The following RFX3 variants were observed in gnomAD, a reference collection of about 807,000 sequenced individuals.
RFX3 encodes the protein transcription factor RFX3.
A neutral mutation model predicts 98.6 loss-of-function variants in RFX3; 14 were observed. The ratio of observed to expected loss-of-function variants is 0.14; its 90% CI spans 0.09 to 0.22. The LOEUF is 0.22. RFX3 is among the 10% of genes least tolerant of loss of function. The pLI is 1.00. For missense variants in RFX3, 639 were observed against 926.9 expected (o/e 0.69, Z 4.03); for synonymous variants, 383 against 328.4 (o/e 1.17, Z -1.80).
intron 1 of RFX3, among the ~76,000 whole-genome samples, chr9:3,501,527 T>C (rs537809681): frequency 5.9e-4 from 89 of 151,136 alleles, no homozygotes; most frequent in African/African-American, 2.0e-3. Context: ...GATGTTGATA[T>C]ACAAAAAGAT....
intron 1 of RFX3, among the ~76,000 whole-genome samples, chr9:3,406,718 A>G (rs1237045941): frequency 1.3e-5 from 2 of 152,216 alleles, no homozygotes; most frequent in African/African-American, 2.4e-5. Context: ...TTAAAATTCT[A>G]CATAAATATA....
At chr9:3,239,875 A>G (rs1056318387) in intron 15 of RFX3, among the ~76,000 whole-genome samples, 1 of 152,200 alleles carries the variant, frequency 6.6e-6, no homozygotes, top group Non-Finnish European at 1.5e-5. Flanking sequence ...CTGAGACCCT[A>G]GAATTCCCTG....
intron 2 of RFX3, among the ~76,000 whole-genome samples, chr9:3,392,191 T>G (rs1840386527): frequency 6.6e-6 from 1 of 152,108 alleles, no homozygotes; most frequent in South Asian, 2.1e-4. Context: ...ATCCACATTT[T>G]AAAATATGGA....
chr9:3,502,484 A>C (rs1397657317), intron 1 of RFX3, among the ~76,000 whole-genome samples: 2 of 152,184 alleles, frequency 1.3e-5, no homozygotes, highest in Non-Finnish European at 2.9e-5. Flanking sequence ...GTGAAAGAAA[A>C]ATACACAGAA....
chr9:3,444,266 T>C (rs182189509), intron 1 of RFX3, among the ~76,000 whole-genome samples: 8 of 152,274 alleles, frequency 5.3e-5, no homozygotes, highest in Admixed American at 2.0e-4. Context: ...GGCAACAATA[T>C]AGATGAATTT....
chr9:3,294,483 C>T (rs1429690421), intron 5 of RFX3, among the ~76,000 whole-genome samples: 2 of 151,898 alleles, frequency 1.3e-5, no homozygotes, highest in African/African-American at 2.4e-5. Context: ...TCATCCTTGT[C>T]CTCTAGGAAT....
At chr9:3,443,919 T>C (rs1230584294) in intron 1 of RFX3, among the ~76,000 whole-genome samples, 1 of 152,180 alleles carries the variant, frequency 6.6e-6, no homozygotes, top group African/African-American at 2.4e-5. Context: ...ACTGACCACA[T>C]CAACTGTTGG....
At chr9:3,423,349 A>C (rs1159079012) in intron 1 of RFX3, among the ~76,000 whole-genome samples, 1 of 152,218 alleles carries the variant, frequency 6.6e-6, no homozygotes, top group African/African-American at 2.4e-5. Flanking sequence ...ATTCATAGAA[A>C]CTTTGTTCAT....
At chr9:3,504,844 AT>A (rs1444809869) in intron 1 of RFX3, among the ~76,000 whole-genome samples, 1 of 30,464 alleles carries the variant, frequency 3.3e-5, no homozygotes, top group African/African-American at 1.2e-4. Flanking sequence ...TATAAAATAT[AT>A]ATATTATATA....
At chr9:3,433,226 C>T (rs908053570) in intron 1 of RFX3, among the ~76,000 whole-genome samples, 3 of 152,056 alleles carry the variant, frequency 2.0e-5, no homozygotes, top group African/African-American at 7.2e-5. Context: ...CATAAAGTCA[C>T]ACAAAGTGTG....
intron 2 of RFX3, 142 bp downstream of exon 2, chr9:3,395,323 TCAAGAAA>T: frequency 1.2e-6 from 1 of 841,962 alleles, no homozygotes; most frequent in Non-Finnish European, 1.9e-6. Flanking sequence ...CAAGAAATGC[TCAAGAAA>T]CATTTGCTGA....
intron 1 of RFX3, among the ~76,000 whole-genome samples, chr9:3,408,984 C>T (rs560462282): frequency 6.6e-6 from 1 of 152,192 alleles, no homozygotes; most frequent in African/African-American, 2.4e-5. Context: ...ATATTGTTAA[C>T]AGCTACTTGT....
intron 3 of RFX3, among the ~76,000 whole-genome samples, chr9:3,343,825 C>G (rs1313218701): frequency 6.6e-6 from 1 of 152,170 alleles, no homozygotes; most frequent in Non-Finnish European, 1.5e-5. Flanking sequence ...TTTGAGTCCA[C>G]ACAGACCAGA....
intron 1 of RFX3, among the ~76,000 whole-genome samples, chr9:3,409,227 G>T (rs1388105677): frequency 1.3e-5 from 2 of 152,144 alleles, no homozygotes; most frequent in African/African-American, 4.8e-5. Flanking sequence ...GTGTATAAAT[G>T]ATGGTATAGA....
intron 1 of RFX3, among the ~76,000 whole-genome samples, chr9:3,466,691 G>C (rs897895592): frequency 6.6e-6 from 1 of 151,982 alleles, no homozygotes; most frequent in African/African-American, 2.4e-5. Flanking sequence ...AGATAACTAG[G>C]TGATTAGTAA....
intron 1 of RFX3, among the ~76,000 whole-genome samples, chr9:3,502,858 T>C (rs1019389124): frequency 9.2e-5 from 14 of 152,096 alleles, no homozygotes; most frequent in Admixed American, 8.5e-4. Flanking sequence ...GGGGAATAAA[T>C]GATTATAGCT....
At chr9:3,235,456 C>G (rs1443652894) in intron 15 of RFX3, among the ~76,000 whole-genome samples, 1 of 152,130 alleles carries the variant, frequency 6.6e-6, no homozygotes, top group Non-Finnish European at 1.5e-5. Context: ...TGTAACATAC[C>G]TATTGCTGCT....
chr9:3,521,183 T>C (rs890161995), intron 1 of RFX3, among the ~76,000 whole-genome samples: 1 of 152,136 alleles, frequency 6.6e-6, no homozygotes, highest in African/African-American at 2.4e-5. Flanking sequence ...TATCGCCAAA[T>C]AGTATGATTC....
At chr9:3,245,084 G>T (rs984613943) in intron 15 of RFX3, among the ~76,000 whole-genome samples, 2 of 152,176 alleles carry the variant, frequency 1.3e-5, no homozygotes, top group Non-Finnish European at 2.9e-5. Flanking sequence ...TTGTTTCCAG[G>T]TATTACATCT....
Sources: allele counts gnomAD v4.1 joint callset (sites outside exome capture counted in the v4.1 genomes callset), GRCh38; gene constraint gnomAD v4.1.1; transcripts MANE v1.5; gene names NCBI Gene and HGNC (gene_info 2026-07-23, HGNC 2026-07-21).